CIB4: variants seen among roughly 807,000 people sequenced by gnomAD.
CIB4 encodes the protein calcium and integrin-binding family member 4.
A neutral mutation model predicts 25.8 loss-of-function variants in CIB4; 25 were observed. The ratio of observed to expected loss-of-function variants is 0.97; its 90% CI spans 0.71 to 1.35. CIB4 has a LOEUF of 1.35. CIB4 is among the 40% of genes most tolerant of loss of function. The probability of loss-of-function intolerance (pLI) is 0.00; values close to 1 mark genes in which losing one functional copy is unlikely to be tolerated. For synonymous variants in CIB4, 75 were observed against 81.4 expected (o/e 0.92, Z 0.42); for missense variants, 235 against 228.2 (o/e 1.03, Z -0.19).
At chr2:26,601,493 T>C (rs998489064) in intron 3 of CIB4, among the ~76,000 whole-genome samples, 1 of 151,760 alleles carries the variant, frequency 6.6e-6, no homozygotes, top group Non-Finnish European at 1.5e-5. Context: ...ATCTTTATAA[T>C]CCTACCTCAC....
chr2:26,585,846 C>T (rs963752610), intron 4 of CIB4, among the ~76,000 whole-genome samples: 8 of 152,064 alleles, frequency 5.3e-5, no homozygotes, highest in African/African-American at 1.9e-4. Flanking sequence ...CCTGTCCAAG[C>T]CCAGGCTCCT....
chr2:26,583,979 A>G, intron 4 of CIB4, 81 bp from the exon 5 acceptor site: 5 of 863,344 alleles, frequency 5.8e-6, no homozygotes, highest in African/African-American at 1.6e-5. Context: ...TGGGGGACAC[A>G]GCACCAGCCA....
At chr2:26,604,793 T>C (rs977318360) in intron 3 of CIB4, among the ~76,000 whole-genome samples, 2 of 152,204 alleles carry the variant, frequency 1.3e-5, no homozygotes, top group Admixed American at 1.3e-4. Context: ...TCCCCTCATT[T>C]TGAATCCTTT....
intron 2 of CIB4, among the ~76,000 whole-genome samples, chr2:26,632,055 C>T (rs550409963): frequency 6.8e-6 from 1 of 146,062 alleles, no homozygotes; most frequent in African/African-American, 2.8e-5. Context: ...ACAGACCTAT[C>T]TGGATCTATC....
At chr2:26,597,812 T>G (rs1250594798) in intron 3 of CIB4, among the ~76,000 whole-genome samples, 1 of 151,690 alleles carries the variant, frequency 6.6e-6, no homozygotes, top group Admixed American at 6.6e-5. Context: ...GATGTGGAAA[T>G]GAGGCCTGGG....
At chr2:26,589,207 CTCT>C (rs1246645902) in intron 4 of CIB4, among the ~76,000 whole-genome samples, 1 of 145,066 alleles carries the variant, frequency 6.9e-6, no homozygotes, top group African/African-American at 2.6e-5. Flanking sequence ...CTTCCCCTTC[CTCT>C]TCTTCTTCCT....
chr2:26,638,763 G>A (rs1669579658), intron 2 of CIB4, among the ~76,000 whole-genome samples: 1 of 152,156 alleles, frequency 6.6e-6, no homozygotes, highest in African/African-American at 2.4e-5. Context: ...GAACAGCCTG[G>A]CCAACATGGT....
At chr2:26,601,127 A>G (rs1235084892) in intron 3 of CIB4, among the ~76,000 whole-genome samples, 5 of 151,182 alleles carry the variant, frequency 3.3e-5, no homozygotes, top group African/African-American at 1.2e-4. Flanking sequence ...AGGCTGAGGT[A>G]CAAGGATCAA....
chr2:26,589,213 T>A (rs560112792), intron 4 of CIB4, among the ~76,000 whole-genome samples: 2 of 145,158 alleles, frequency 1.4e-5, no homozygotes, highest in African/African-American at 5.1e-5. Flanking sequence ...CTTCCTCTTC[T>A]TCTTCCTCCT....
chr2:26,602,135 A>G (rs72857954), intron 3 of CIB4, among the ~76,000 whole-genome samples: 6,435 of 152,300 alleles, frequency 0.042, 449 homozygotes, highest in African/African-American at 0.14. Context: ...ATCAAAGACA[A>G]TATGGGATGA....
chr2:26,589,072 CTCT>C lies in CIB4; in HGVS notation c.329-5177_329-5175del, dbSNP rs1184325583. ...CTTCTTCTTCTTCCTCTTCCTCTTC[CTCT>C]TCTTCTTCTTCTTCTTCTTCTTCTT... On this transcript the variant is annotated intron_variant, in intron 4 of 6. Coordinates refer to ENST00000288861, the MANE Select transcript of CIB4 (RefSeq NM_001029881.3). Among the ~76,000 whole-genome samples the C allele has an allele frequency of 3.4e-3, 140 of 40,808 alleles. 11 individuals carry two copies. The highest frequency in any genetic ancestry group is 9.0e-3 in the African/African-American group (65 of 7,260). 26.8% of individuals were successfully genotyped at this position (40,808 alleles called of 152,430 possible). A position where few individuals can be genotyped will look rare whatever the true frequency, so the allele number is the denominator to read the frequency against.
At chr2:26,632,775 A>G (rs1055606339) in intron 2 of CIB4, among the ~76,000 whole-genome samples, 121 of 152,022 alleles carry the variant, frequency 8.0e-4, no homozygotes, top group African/African-American at 2.8e-3. Flanking sequence ...AAAAAAAAGA[A>G]AAAGAAAGAA....
At chr2:26,592,283 A>C (rs879746388) in intron 4 of CIB4, among the ~76,000 whole-genome samples, 8 of 152,210 alleles carry the variant, frequency 5.3e-5, no homozygotes, top group Non-Finnish European at 1.2e-4. Context: ...CACGGCTGCC[A>C]CCTGTGGGAG....
intron 3 of CIB4, among the ~76,000 whole-genome samples, chr2:26,606,904 C>T (rs1322515155): frequency 6.6e-6 from 1 of 152,042 alleles, no homozygotes; most frequent in Non-Finnish European, 1.5e-5. Context: ...CAGCTGGAGG[C>T]GGATCGCTAA....
At chr2:26,626,413 A>T (rs1344712216) in intron 3 of CIB4, among the ~76,000 whole-genome samples, 1 of 152,170 alleles carries the variant, frequency 6.6e-6, no homozygotes, top group East Asian at 1.9e-4. Context: ...AAAAAAAAAA[A>T]AAAATCAATG....
chr2:26,641,178 G>A lies in CIB4; in HGVS notation c.54+83C>T, dbSNP rs923829058. On this transcript the variant is annotated intron_variant, in intron 1 of 6. Coordinates refer to ENST00000288861, the MANE Select transcript of CIB4 (RefSeq NM_001029881.3). ...AAAAATTGGACACCCCTGCTAGAGC[G>A]TCAGGAAGGAATTTTCCCATTCATT... is the stretch of plus-strand genomic sequence containing the variant. 9.7e-5 allele frequency: 115 copies of A among 1,184,916 alleles called. 1 individual carries two copies. The highest frequency in any genetic ancestry group is 5.3e-4 in the African/African-American group (35 of 66,610). The allele number at this position is 1,184,916 out of a possible 1,614,324, so 73.4% of individuals were successfully genotyped here.
chr2:26,611,792 C>A (rs80158507), intron 3 of CIB4, among the ~76,000 whole-genome samples: 401 of 152,198 alleles, frequency 2.6e-3, no homozygotes, highest in African/African-American at 8.7e-3. Flanking sequence ...TGCAATTATG[C>A]GCCATCAAAA....
chr2:26,632,924 T>C (rs968295680), intron 2 of CIB4, among the ~76,000 whole-genome samples: 10 of 152,072 alleles, frequency 6.6e-5, no homozygotes, highest in African/African-American at 2.4e-4. Flanking sequence ...ATTAATGTTT[T>C]GGTTTTTTTT....
chr2:26,590,215 A>G (rs940041907), intron 4 of CIB4, among the ~76,000 whole-genome samples: 20 of 146,904 alleles, frequency 1.4e-4, no homozygotes, highest in African/African-American at 4.3e-4. Context: ...GACATACCCA[A>G]TACCATTCCA....
Sources: gnomAD v4.1 joint callset for allele counts (sites outside exome capture counted in the v4.1 genomes callset) on GRCh38, gnomAD v4.1.1 for gene constraint, MANE v1.5 for transcripts, NCBI Gene and HGNC (gene_info 2026-07-23, HGNC 2026-07-21) for gene names.